The following KCTD1 variants were observed in gnomAD, a reference collection of about 807,000 sequenced individuals.
KCTD1 encodes BTB/POZ domain-containing protein KCTD1.
KCTD1 carries 24 observed loss-of-function variants against 66.0 expected under a neutral mutation model. That is an observed-to-expected ratio of 0.36 (90% CI 0.26 to 0.51). KCTD1 has a LOEUF of 0.51. Ranked by LOEUF, KCTD1 falls within the 20% of genes least tolerant of loss-of-function variation. KCTD1 has a pLI of 0.95. For synonymous variants in KCTD1, 511 were observed against 517.2 expected (o/e 0.99, Z 0.16); for missense variants, 943 against 1,205.2 (o/e 0.78, Z 3.22).
At chr18:26,620,529 G>C (rs903516819) in intron 1 of KCTD1, among the ~76,000 whole-genome samples, 1 of 145,534 alleles carries the variant, frequency 6.9e-6, no homozygotes, top group African/African-American at 2.6e-5. Flanking sequence ...CTCCACCTCC[G>C]GGGCTCAAGC....
chr18:26,482,656 G>A (rs997315151), intron 2 of KCTD1, among the ~76,000 whole-genome samples: 1 of 152,130 alleles, frequency 6.6e-6, no homozygotes, highest in Non-Finnish European at 1.5e-5. Context: ...GCACTGTCTA[G>A]GGCACCCCAT....
In KCTD1 at chr18:26,548,012, G is replaced by A. The variant is rs1371907136; in HGVS notation, c.525C>T (p.Ala175=). 1.3e-6 allele frequency: 2 copies of A among 1,529,628 alleles called. No individual in the cohort carries two copies. The highest frequency in any genetic ancestry group is 3.9e-5 in the Admixed American group (2 of 50,640). 94.8% of individuals were successfully genotyped at this position (1,529,628 alleles called of 1,614,324 possible). A position where few individuals can be genotyped will look rare whatever the true frequency, so the allele number is the denominator to read the frequency against. ...RARLSENTRL[A]TRYAVRIFRE... is the part of the protein sequence containing the mutation. ...GGAAGATGCGCACGGCGTAGCGGGT[G>A]GCCAGCCGGGTGTTCTCGCTCAGCC... The change falls in exon 1 of 5, where the codon GCC becomes GCT. Residue 175 remains alanine, a synonymous_variant. Coordinates refer to ENST00000580059, the MANE Select transcript of KCTD1 (RefSeq NM_001142730.3).
At chr18:26,483,838 G>A (rs895623193) in intron 2 of KCTD1, among the ~76,000 whole-genome samples, 5 of 152,136 alleles carry the variant, frequency 3.3e-5, no homozygotes, top group Non-Finnish European at 7.4e-5. Flanking sequence ...GGAAGGGAAG[G>A]AGTCGTGGAG....
At chr18:26,497,103 G>A (rs527594317) in intron 2 of KCTD1, among the ~76,000 whole-genome samples, 68 of 152,230 alleles carry the variant, frequency 4.5e-4, no homozygotes, top group African/African-American at 1.6e-3. Context: ...CAAGAGGGTA[G>A]GTTAAGTAGA....
intron 1 of KCTD1, among the ~76,000 whole-genome samples, chr18:26,616,214 T>C (rs1273254716): frequency 6.6e-6 from 1 of 151,264 alleles, no homozygotes; most frequent in Non-Finnish European, 1.5e-5. Flanking sequence ...TACTCTACAG[T>C]ACATGGCTCA....
At chr18:26,500,019 C>T (rs1982673658) in intron 2 of KCTD1, among the ~76,000 whole-genome samples, 1 of 152,198 alleles carries the variant, frequency 6.6e-6, no homozygotes, top group Non-Finnish European at 1.5e-5. Context: ...GTGGCTCACA[C>T]CTGTAATCCC....
chr18:26,465,604 G>GCCCTGCCACTGTCTCCACT (rs1980683198), intron 3 of KCTD1, among the ~76,000 whole-genome samples: 2 of 152,174 alleles, frequency 1.3e-5, no homozygotes, highest in African/African-American at 4.8e-5. Context: ...TCCCGTCTAC[G>GCCCTGCCACTGTCTCCACT]CCCTGCCACT....
At chr18:26,627,767 T>C (rs745995654) in intron 1 of KCTD1, among the ~76,000 whole-genome samples, 6 of 152,260 alleles carry the variant, frequency 3.9e-5, no homozygotes, top group Admixed American at 6.5e-5. Context: ...TTTTTAGTGA[T>C]ACAATTTGAG....
At chr18:26,535,346 A>G (rs911091154) in intron 1 of KCTD1, among the ~76,000 whole-genome samples, 2 of 152,212 alleles carry the variant, frequency 1.3e-5, no homozygotes, top group Admixed American at 1.3e-4. Context: ...CCAAACAGTC[A>G]GTGAACAGAT....
intron 4 of KCTD1, chr18:26,457,580 T>C (rs772686604): frequency 6.6e-6 from 1 of 152,238 alleles, no homozygotes; most frequent in African/African-American, 2.4e-5. Flanking sequence ...CGGAGTCCGA[T>C]AGGCATCATG....
At chr18:26,500,961 T>C in intron 2 of KCTD1, 111 bp downstream of exon 2, 2 of 1,241,540 alleles carry the variant, frequency 1.6e-6, no homozygotes, top group South Asian at 1.6e-5. Flanking sequence ...CACAGCACTT[T>C]CACATCCTGC....
chr18:26,590,363 A>G (rs1568002447), intron 1 of KCTD1, among the ~76,000 whole-genome samples: 1 of 152,118 alleles, frequency 6.6e-6, no homozygotes, highest in Non-Finnish European at 1.5e-5. Flanking sequence ...TGCTGGGATT[A>G]CAGGCATGAG....
chr18:26,528,656 T>C (rs139121223), intron 1 of KCTD1, among the ~76,000 whole-genome samples: 104 of 152,316 alleles, frequency 6.8e-4, no homozygotes, highest in African/African-American at 2.3e-3. Context: ...CTCGCCAATA[T>C]GGCTTCTGCC....
chr18:26,584,392 CA>C (rs1986425383), intron 1 of KCTD1, among the ~76,000 whole-genome samples: 1 of 152,176 alleles, frequency 6.6e-6, no homozygotes, highest in South Asian at 2.1e-4. Context: ...TTGGGTTAAA[CA>C]AAATGTATTA....
intron 1 of KCTD1, among the ~76,000 whole-genome samples, chr18:26,653,771 T>A (rs1988078715): frequency 6.6e-6 from 1 of 152,262 alleles, no homozygotes; most frequent in African/African-American, 2.4e-5. Flanking sequence ...ACATCTAGCA[T>A]GTTTTTATGA....
At chr18:26,549,671 C>T, upstream of KCTD1, 5 of 976,544 alleles carry the variant, frequency 5.1e-6, no homozygotes, top group Non-Finnish European at 6.1e-6. Context: ...GAACTTGTGT[C>T]TCGGCCGACC....
chr18:26,461,269 GC>G (rs1980409960), intron 3 of KCTD1, among the ~76,000 whole-genome samples: 2 of 152,234 alleles, frequency 1.3e-5, no homozygotes, highest in African/African-American at 4.8e-5. Context: ...GGGGTCTTTA[GC>G]TGGGTAATCC....
upstream of KCTD1, chr18:26,548,853 G>A (rs1217360879): frequency 2.0e-6 from 2 of 1,019,646 alleles, no homozygotes; most frequent in Non-Finnish European, 1.2e-6. Context: ...GGAAAGGGAG[G>A]GAGAGCTGTC....
chr18:26,639,353 T>G lies in KCTD1; in HGVS notation c.-107+958A>C, dbSNP rs185696600. The stretch of plus-strand genomic sequence containing the variant: ...AGTCTATCTGGCTGAGGTCAGCAGA[T>G]GCGGGGCTCCCGAAGCCGGGCCCAG... On this transcript the variant is annotated intron_variant, in intron 1 of 5. Transcript: ENST00000579973. 2.0e-5 allele frequency among the ~76,000 whole-genome samples: 3 copies of G among 152,216 alleles called. No homozygotes were observed. The East Asian group carries it at 5.8e-4, about 29-fold the overall frequency.
Sources: gnomAD v4.1 joint callset for allele counts (sites outside exome capture counted in the v4.1 genomes callset) on GRCh38, gnomAD v4.1.1 for gene constraint, MANE v1.5 for transcripts, NCBI Gene and HGNC (gene_info 2026-07-23, HGNC 2026-07-21) for gene names.